Variants in TEX36 observed in about 807,000 individuals in gnomAD.
The protein encoded by TEX36 is testis expressed 36.
Under a neutral mutation model 13.6 loss-of-function variants are expected in TEX36, and 12 were observed. The observed-to-expected ratio is 0.88, with a 90% CI of 0.56 to 1.43. TEX36 has a LOEUF of 1.43. Among genes scored for constraint, TEX36 ranks in the 40% most tolerant of loss-of-function variants. The pLI is 0.00. For synonymous variants in TEX36, 93 were observed against 83.0 expected (o/e 1.12, Z -0.65); for missense variants, 224 against 228.3 (o/e 0.98, Z 0.12).
chr10:125,605,198 C>T (rs1320901087), intron 3 of TEX36, among the ~76,000 whole-genome samples: 1 of 152,206 alleles, frequency 6.6e-6, no homozygotes, highest in Non-Finnish European at 1.5e-5. Flanking sequence ...TCTTATTCTC[C>T]TGTTATGCCT....
At chr10:125,577,077 G>A (rs1392535329) in intron 3 of TEX36, among the ~76,000 whole-genome samples, 1 of 152,214 alleles carries the variant, frequency 6.6e-6, no homozygotes, top group African/African-American at 2.4e-5. Context: ...TACTGGCTCA[G>A]TTGGGTCTAT....
chr10:125,619,312 C>A (rs549379184), downstream of TEX36, among the ~76,000 whole-genome samples: 1 of 151,976 alleles, frequency 6.6e-6, no homozygotes, highest in Non-Finnish European at 1.5e-5. Flanking sequence ...GGAGGCACCA[C>A]CACCAAGTTC....
At chr10:125,615,547 G>A (rs1434447881) in intron 3 of TEX36, among the ~76,000 whole-genome samples, 4 of 151,856 alleles carry the variant, frequency 2.6e-5, no homozygotes, top group South Asian at 2.1e-4. Context: ...TAATCATGTG[G>A]TTTTTGTCTT....
chr10:125,632,220 G>A (rs902023548), intron 3 of TEX36, among the ~76,000 whole-genome samples: 2 of 152,066 alleles, frequency 1.3e-5, no homozygotes, highest in African/African-American at 2.4e-5. Context: ...GAGTGGTCTG[G>A]GGGAGAGGTG....
chr10:125,579,628 C>T (rs768551928), intron 3 of TEX36, among the ~76,000 whole-genome samples: 24 of 152,206 alleles, frequency 1.6e-4, no homozygotes, highest in African/African-American at 4.8e-4. Context: ...TTCCATTGTT[C>T]GAGGAGGGTC....
At position 125,639,206 on chromosome 10, in the gene TEX36, G is replaced by T. The variant is rs532359631; in HGVS notation, c.265-17561C>A. 5.9e-5 allele frequency among the ~76,000 whole-genome samples: 9 copies of T among 152,272 alleles called. No individual in the cohort carries two copies. In the South Asian group the frequency reaches 8.3e-4, roughly 14 times the overall value. The stretch of plus-strand genomic sequence containing the variant: ...TCATAATTGTTCTGTGAGATAATAT[G>T]TATCCAATACTAAACACATTTCTAT... On this transcript the variant is annotated intron_variant, in intron 3 of 3. Coordinates refer to the TEX36 transcript ENST00000526819.
chr10:125,593,361 CAT>C (rs1285128886), intron 3 of TEX36, among the ~76,000 whole-genome samples: 1 of 152,208 alleles, frequency 6.6e-6, no homozygotes, highest in African/African-American at 2.4e-5. Context: ...GAGAAGTTGC[CAT>C]ACTCTAGAAA....
At chr10:125,601,996 C>T (rs1004328612) in intron 3 of TEX36, among the ~76,000 whole-genome samples, 5 of 152,200 alleles carry the variant, frequency 3.3e-5, no homozygotes, top group African/African-American at 1.2e-4. Flanking sequence ...TCCCCATACC[C>T]CCAGCAGGGA....
intron 3 of TEX36, among the ~76,000 whole-genome samples, chr10:125,587,072 C>A (rs1845963031): frequency 1.3e-5 from 2 of 152,314 alleles, no homozygotes; most frequent in East Asian, 1.9e-4. Flanking sequence ...TGCCTTCCAT[C>A]ACGATTGTAA....
At chr10:125,678,281 T>C (rs1054549885) in intron 1 of TEX36, among the ~76,000 whole-genome samples, 14 of 152,332 alleles carry the variant, frequency 9.2e-5, no homozygotes, top group African/African-American at 3.1e-4. Flanking sequence ...GATTTCTTTG[T>C]CTGTAACCAC....
chr10:125,613,169 C>A (rs1846311527), intron 3 of TEX36, among the ~76,000 whole-genome samples: 2 of 150,816 alleles, frequency 1.3e-5, no homozygotes, highest in African/African-American at 4.9e-5. Flanking sequence ...CGGCTGGAAT[C>A]CTGTCTTGGA....
intron 3 of TEX36, among the ~76,000 whole-genome samples, chr10:125,641,525 A>G (rs928415112): frequency 6.6e-6 from 1 of 152,232 alleles, no homozygotes; most frequent in South Asian, 2.1e-4. Context: ...TGGGTACTAG[A>G]CAGCCTCGCT....
chr10:125,637,584 CT>C (rs1846637259), intron 3 of TEX36, among the ~76,000 whole-genome samples: 1 of 152,254 alleles, frequency 6.6e-6, no homozygotes, highest in Admixed American at 6.5e-5. Flanking sequence ...GATTTCACGT[CT>C]TTTAGATATA....
intron 3 of TEX36, among the ~76,000 whole-genome samples, chr10:125,614,791 C>T (rs1201968475): frequency 2.0e-5 from 3 of 152,064 alleles, no homozygotes; most frequent in Admixed American, 1.3e-4. Context: ...ATATGAACTT[C>T]AAAGTAGTTT....
chr10:125,604,559 A>G (rs1241830288), intron 3 of TEX36, among the ~76,000 whole-genome samples: 1 of 152,198 alleles, frequency 6.6e-6, no homozygotes, highest in East Asian at 1.9e-4. Flanking sequence ...CATGCCTGCA[A>G]TCCCAGCACT....
intron 3 of TEX36, among the ~76,000 whole-genome samples, chr10:125,623,543 C>T (rs1846451209): frequency 6.6e-6 from 1 of 150,470 alleles, no homozygotes; most frequent in Non-Finnish European, 1.5e-5. Context: ...ATGAAACTGA[C>T]TCGGAAATAT....
chr10:125,584,574 A>C (rs1845920717), intron 3 of TEX36, among the ~76,000 whole-genome samples: 1 of 152,200 alleles, frequency 6.6e-6, no homozygotes, highest in African/African-American at 2.4e-5. Context: ...TGGAGATAGA[A>C]GCTTTAGGGA....
chr10:125,662,906 A>G (rs1028105834), intron 1 of TEX36, among the ~76,000 whole-genome samples: 4 of 152,206 alleles, frequency 2.6e-5, no homozygotes, highest in East Asian at 1.9e-4. Flanking sequence ...GCTCACCCCA[A>G]TGTTATTTGA....
At chr10:125,607,608 C>T (rs1204237163) in intron 3 of TEX36, among the ~76,000 whole-genome samples, 1 of 152,146 alleles carries the variant, frequency 6.6e-6, no homozygotes, top group Non-Finnish European at 1.5e-5. Flanking sequence ...GACACATCCT[C>T]ATTTGCCATA....
Sources: gnomAD v4.1 joint callset for allele counts (sites outside exome capture counted in the v4.1 genomes callset) on GRCh38, gnomAD v4.1.1 for gene constraint, MANE v1.5 for transcripts, NCBI Gene and HGNC (gene_info 2026-07-23, HGNC 2026-07-21) for gene names.